Variants in RBM17 observed in about 807,000 individuals in gnomAD.
RBM17 encodes the protein RNA binding motif protein 17, also known as splicing factor 45.
RBM17 carries 7 observed loss-of-function variants against 53.2 expected under a neutral mutation model. That is an observed-to-expected ratio of 0.13 (90% CI 0.07 to 0.25). The LOEUF is 0.25. RBM17 is among the 10% of genes least tolerant of loss of function. The probability of loss-of-function intolerance (pLI) is 1.00; values close to 1 mark genes in which losing one functional copy is unlikely to be tolerated. For synonymous variants in RBM17, 167 were observed against 178.1 expected (o/e 0.94, Z 0.50); for missense variants, 257 against 496.7 (o/e 0.52, Z 4.59).
intron 5 of RBM17, among the ~76,000 whole-genome samples, chr10:6,107,271 G>A (rs1380448535): frequency 6.6e-6 from 1 of 152,014 alleles, no homozygotes; most frequent in African/African-American, 2.4e-5. Flanking sequence ...GCAACCTCCT[G>A]GGTTCTAGCA....
intron 2 of RBM17, among the ~76,000 whole-genome samples, chr10:6,098,259 G>GT (rs1840607790): frequency 6.6e-6 from 1 of 152,282 alleles, no homozygotes; most frequent in African/African-American, 2.4e-5. Context: ...TGTGCACAGT[G>GT]TATCTGTGGT....
chr10:6,092,093 G>T (rs989028425), intron 1 of RBM17, among the ~76,000 whole-genome samples: 3 of 152,192 alleles, frequency 2.0e-5, no homozygotes, highest in Non-Finnish European at 4.4e-5. Context: ...TGAAACGTGG[G>T]TTGCTCAAAG....
chr10:6,092,200 T>C (rs1252684985), intron 1 of RBM17, among the ~76,000 whole-genome samples: 1 of 152,256 alleles, frequency 6.6e-6, no homozygotes, highest in Non-Finnish European at 1.5e-5. Context: ...TCTTATGGTA[T>C]ATCCAGTTGT....
chr10:6,094,285 G>T (rs570293320), intron 1 of RBM17, among the ~76,000 whole-genome samples: 1 of 152,292 alleles, frequency 6.6e-6, no homozygotes, highest in South Asian at 2.1e-4. Flanking sequence ...GCCTGGTGTG[G>T]AATGTTCTAC....
chr10:6,096,414 G>A (rs1327106400), intron 1 of RBM17, among the ~76,000 whole-genome samples: 2 of 152,114 alleles, frequency 1.3e-5, no homozygotes, highest in African/African-American at 2.4e-5. Flanking sequence ...TGTTCTGCAC[G>A]GAAGCTGTGT....
intron 6 of RBM17, among the ~76,000 whole-genome samples, chr10:6,109,199 C>G (rs1012092798): frequency 1.4e-4 from 22 of 152,240 alleles, no homozygotes; most frequent in South Asian, 1.0e-3. Context: ...CCAAAACACC[C>G]TCACCCACTG....
At position 6,112,201 on chromosome 10, in the gene RBM17, T is replaced by C; in HGVS notation, c.705-9T>C. The stretch of plus-strand genomic sequence containing the variant: ...AGGCTAAGAGTCCTTTCCCTTCTTC[T>C]CCTGCCAGGGGCACGGTGGCGCACA... On this transcript the variant is annotated splice_polypyrimidine_tract_variant and intron_variant, in intron 7 of 11. Transcript: ENST00000379888. The surrounding 1 kb of genome is among the most constrained non-coding windows in gnomAD (Gnocchi z 4.4). 2 of 1,610,058 alleles carry C rather than the reference T, an allele frequency of 1.2e-6. No individual in the cohort carries two copies. The highest frequency in any genetic ancestry group is 1.7e-4 in the Middle Eastern group (1 of 6,058).
intron 10 of RBM17, chr10:6,114,370 A>G: frequency 2.5e-6 from 1 of 406,986 alleles, no homozygotes. Flanking sequence ...TTCATGATTG[A>G]GGATCAGTAT....
rs1840893756 is a variant in RBM17, at chr10:6,115,004, G to A, written c.1030-235G>A. 9.9e-6 allele frequency: 5 copies of A among 502,842 alleles called. No homozygotes were observed. In the Admixed American group the frequency reaches 1.5e-4, roughly 15 times the overall value. 31.1% of individuals were successfully genotyped at this position (502,842 alleles called of 1,614,324 possible). On this transcript the variant is annotated intron_variant, in intron 10 of 11. Transcript: ENST00000379888. Reference sequence around the variant, plus strand: ...ATCAGCTGGCACAGGGCCTTTATGAGGTCAGAGACTGCCTAGCCCTGTGTT... The same window carrying A: ...ATCAGCTGGCACAGGGCCTTTATGAAGTCAGAGACTGCCTAGCCCTGTGTT...
chr10:6,095,082 T>A (rs1315351088), intron 1 of RBM17, among the ~76,000 whole-genome samples: 1 of 152,200 alleles, frequency 6.6e-6, no homozygotes, highest in African/African-American at 2.4e-5. Context: ...GAGTTCATTA[T>A]TTTTTCTTGA....
rs79104917 is a variant in RBM17, at chr10:6,099,609, C to T, written c.124-1662C>T. Among the ~76,000 whole-genome samples the T allele has an allele frequency of 8.4e-4, 128 of 152,158 alleles. 2 individuals are homozygous for T. In the East Asian group the frequency reaches 0.017, roughly 20 times the overall value. The stretch of plus-strand genomic sequence containing the variant: ...TGCAATACCTAACACAATGTAAATG[C>T]TGTGTAAAAAGTTGTTATACCGTAT... On this transcript the variant is annotated intron_variant, in intron 2 of 11. Transcript: ENST00000379888.
intron 5 of RBM17, among the ~76,000 whole-genome samples, chr10:6,107,479 C>CTTTT (rs71390124): frequency 0.23 from 13,081 of 55,878 alleles, 2,474 homozygotes; most frequent in Non-Finnish European, 0.3. Flanking sequence ...CACCCGGCCT[C>CTTTT]TTTTTTTTTT....
rs1489034509 is a variant in RBM17 at position 6,104,974 on chromosome 10, C to A, written c.284C>A (p.Pro95His). ...SGFSAGEVLI[P>H]LADEYDPMFP... is the part of the protein sequence containing the mutation. The stretch of plus-strand genomic sequence containing the variant: ...TTTTCTGCAGGGGAAGTTCTGATTC[C>A]CTTAGCTGACGAATATGACCCTATG... The change falls in exon 4 of 12, where the codon CCC becomes CAC. Residue 95 changes from proline to histidine, a missense_variant. Around this residue, in one of 6 missense-constraint regions of RBM17, gnomAD observed 127 missense variants for 217.2 expected, o/e 0.58. Coordinates refer to ENST00000379888, the MANE Select transcript of RBM17 (RefSeq NM_032905.5). The A allele has an allele frequency of 1.9e-6, 3 of 1,613,964 alleles. No individual in the cohort carries two copies. The South Asian group carries it at 3.3e-5, about 18-fold the overall frequency.
At chr10:6,111,252 G>A (rs1305468373) in intron 7 of RBM17, among the ~76,000 whole-genome samples, 1 of 152,230 alleles carries the variant, frequency 6.6e-6, no homozygotes, top group Non-Finnish European at 1.5e-5. Context: ...GCCTCAGAGC[G>A]CAGTGTGAGA....
chr10:6,109,560 G>A (rs540109101), intron 6 of RBM17, among the ~76,000 whole-genome samples: 2 of 152,236 alleles, frequency 1.3e-5, no homozygotes, highest in East Asian at 1.9e-4. Context: ...CCCTAACCTC[G>A]GACACCTTTG....
intron 5 of RBM17, among the ~76,000 whole-genome samples, chr10:6,106,628 A>G (rs570468085): frequency 6.6e-6 from 1 of 152,302 alleles, no homozygotes; most frequent in South Asian, 2.1e-4. Flanking sequence ...CATATCCGCT[A>G]TCTTAGTTAA....
chr10:6,111,234 C>T (rs1437600092), intron 7 of RBM17, among the ~76,000 whole-genome samples: 5 of 152,208 alleles, frequency 3.3e-5, no homozygotes, highest in African/African-American at 1.2e-4. Flanking sequence ...CCTTCAGACC[C>T]ATGCTGCGCC....
chr10:6,097,542 G>C (rs556768849), intron 2 of RBM17, among the ~76,000 whole-genome samples: 1 of 152,346 alleles, frequency 6.6e-6, no homozygotes, highest in East Asian at 1.9e-4. Flanking sequence ...GCAGTGGTGG[G>C]CACCTGTACT....
In RBM17 at chr10:6,110,070, A is replaced by G. The variant is rs538717999; in HGVS notation, c.647A>G (p.Glu216Gly). The change falls in exon 7 of 12, where the codon GAA becomes GGA. Residue 216 changes from glutamate to glycine, a missense_variant. Physicochemically the swap from Glu to Gly is moderately conservative, Grantham distance 98 (BLOSUM62 -2). Around this residue, in one of 6 missense-constraint regions of RBM17, gnomAD observed 68 missense variants for 60.0 expected, o/e 1.13. Transcript: ENST00000379888. ...KAAIPPPVYEEQDRPRSPTGP... is the reference protein window; with the variant it reads ...KAAIPPPVYEGQDRPRSPTGP... ...GCCATTCCTCCCCCAGTGTACGAGG[A>G]ACAAGACAGACCGAGATCTCCAACC... 6.2e-7 allele frequency: 1 copy of G among 1,612,978 alleles called. No individual in the cohort carries two copies. Among genetic ancestry groups the G allele is most frequent in the East Asian group, 2.2e-5 (1 of 44,842 alleles).
Sources: allele counts gnomAD v4.1 joint callset (sites outside exome capture counted in the v4.1 genomes callset), GRCh38; gene constraint gnomAD v4.1.1; regional missense constraint gnomAD v4.1.1; non-coding constraint Gnocchi (gnomAD v3.1); transcripts MANE v1.5; gene names NCBI Gene and HGNC (gene_info 2026-07-23, HGNC 2026-07-21).